Variants in DNAH7 observed in about 807,000 individuals in gnomAD.
DNAH7 encodes dynein axonemal heavy chain 7, also known as axonemal beta dynein heavy chain 7.
In DNAH7, 397 loss-of-function variants were observed where a neutral mutation model predicts 444.6. The ratio of observed to expected loss-of-function variants is 0.89; its 90% CI spans 0.82 to 0.97. The LOEUF is 0.97. Ranked by LOEUF, DNAH7 falls within the 50% of genes least tolerant of loss-of-function variation. DNAH7 has a pLI of 0.00. For missense variants in DNAH7, 4,902 were observed against 4,800.8 expected (o/e 1.02, Z -0.62); for synonymous variants, 1,636 against 1,624.4 (o/e 1.01, Z -0.17).
At chr2:195,747,119 A>C (rs1017701326) in intron 63 of DNAH7, among the ~76,000 whole-genome samples, 1 of 152,194 alleles carries the variant, frequency 6.6e-6, no homozygotes, top group Non-Finnish European at 1.5e-5. Context: ...AATAAAGAAG[A>C]AAAGAGAGAA....
In DNAH7 at chr2:195,971,244, T is replaced by C. The variant is rs577595252; in HGVS notation, c.2058+998A>G. On this transcript the variant is annotated intron_variant, in intron 16 of 64. Coordinates refer to ENST00000312428, the MANE Select transcript of DNAH7 (RefSeq NM_018897.3). ...ACTGGCTGACCTAGAACAAGTCTCTTAATCTTTGGGAAACTTACTCTTCCA... is the reference window on the plus strand; with the variant it reads ...ACTGGCTGACCTAGAACAAGTCTCTCAATCTTTGGGAAACTTACTCTTCCA... 3.3e-5 allele frequency among the ~76,000 whole-genome samples: 5 copies of C among 152,312 alleles called. 1 individual carries two copies. The South Asian group carries it at 8.3e-4, about 25-fold the overall frequency.
chr2:195,906,281 T>C (rs1321618459), intron 27 of DNAH7, among the ~76,000 whole-genome samples: 1 of 151,988 alleles, frequency 6.6e-6, no homozygotes, highest in African/African-American at 2.4e-5. Context: ...TGTGGATATT[T>C]ACTCTGTAAA....
chr2:196,061,120 T>C (rs1049780233), intron 1 of DNAH7, among the ~76,000 whole-genome samples: 4 of 152,160 alleles, frequency 2.6e-5, no homozygotes, highest in Admixed American at 1.3e-4. Flanking sequence ...TCTACTCTAA[T>C]AGCAGTTTTC....
intron 17 of DNAH7, among the ~76,000 whole-genome samples, chr2:195,962,674 G>T (rs541514663): frequency 6.6e-6 from 1 of 152,134 alleles, no homozygotes; most frequent in East Asian, 1.9e-4. Context: ...TTTTAAATGT[G>T]CAATTAAATT....
intron 12 of DNAH7, among the ~76,000 whole-genome samples, chr2:195,997,241 G>A (rs1378896583): frequency 6.6e-6 from 1 of 152,140 alleles, no homozygotes; most frequent in Admixed American, 6.5e-5. Flanking sequence ...GGCCACGCAT[G>A]GTGGCTCATG....
chr2:195,844,981 T>G, intron 47 of DNAH7, 21 bp downstream of exon 47: 3 of 1,604,250 alleles, frequency 1.9e-6, no homozygotes, highest in Non-Finnish European at 2.6e-6. Flanking sequence ...AGACCATTTG[T>G]GAGAAAAATA....
At chr2:195,803,245 G>A (rs1696559887) in intron 54 of DNAH7, among the ~76,000 whole-genome samples, 1 of 152,196 alleles carries the variant, frequency 6.6e-6, no homozygotes, top group Non-Finnish European at 1.5e-5. Context: ...TGGGTTTTAA[G>A]TGCATGGTTT....
intron 40 of DNAH7, among the ~76,000 whole-genome samples, chr2:195,871,283 G>C (rs1238913319): frequency 6.6e-6 from 1 of 152,120 alleles, no homozygotes; most frequent in South Asian, 2.1e-4. Flanking sequence ...GCACATTCTC[G>C]TGTTCTATGT....
At chr2:195,814,792 G>C (rs1214978047) in intron 51 of DNAH7, among the ~76,000 whole-genome samples, 1 of 152,004 alleles carries the variant, frequency 6.6e-6, no homozygotes, top group Non-Finnish European at 1.5e-5. Context: ...CCAGGCTGAA[G>C]TGTGGTGGCA....
chr2:196,033,358 T>C (rs998533295), intron 5 of DNAH7, among the ~76,000 whole-genome samples: 2 of 152,208 alleles, frequency 1.3e-5, no homozygotes, highest in African/African-American at 4.8e-5. Context: ...ATACATTTAC[T>C]AAATTTGCCA....
At chr2:195,750,111 T>C (rs1693708089) in intron 63 of DNAH7, among the ~76,000 whole-genome samples, 2 of 152,308 alleles carry the variant, frequency 1.3e-5, no homozygotes, top group South Asian at 4.1e-4. Context: ...CTTGGAACAC[T>C]AAATAGGCTT....
At chr2:195,927,265 G>T (rs1176088482) in intron 21 of DNAH7, among the ~76,000 whole-genome samples, 1 of 152,140 alleles carries the variant, frequency 6.6e-6, no homozygotes, top group East Asian at 1.9e-4. Context: ...CAAAAATAGT[G>T]ATGTCTGTGA....
At chr2:196,034,267 C>G (rs1469036536) in intron 5 of DNAH7, among the ~76,000 whole-genome samples, 2 of 151,926 alleles carry the variant, frequency 1.3e-5, no homozygotes, top group Non-Finnish European at 2.9e-5. Context: ...AAAGAACAAC[C>G]AGAAAATAAA....
intron 19 of DNAH7, among the ~76,000 whole-genome samples, chr2:195,951,005 C>A (rs960398359): frequency 6.6e-6 from 1 of 151,652 alleles, no homozygotes; most frequent in Admixed American, 6.6e-5. Flanking sequence ...TCTTGGTTCT[C>A]TAGTTCTTTA....
chr2:195,843,570 C>T (rs942546532), intron 47 of DNAH7, among the ~76,000 whole-genome samples: 1 of 152,138 alleles, frequency 6.6e-6, no homozygotes, highest in East Asian at 1.9e-4. Context: ...TAATTCAGGG[C>T]CCAGCTATAG....
At position 195,861,943 on chromosome 2, in the gene DNAH7, A is replaced by G. The variant is rs891363587; in HGVS notation, c.7510T>C (p.Trp2504Arg). The G allele has an allele frequency of 1.2e-6, 2 of 1,607,002 alleles. No individual in the cohort carries two copies. The highest frequency in any genetic ancestry group is 4.5e-5 in the East Asian group (2 of 44,830). Reference protein sequence around the residue: ...NCCTIDWFQSWPEDALQAVAS... With the variant: ...NCCTIDWFQSRPEDALQAVAS... Reference sequence around the variant, plus strand: ...ACTGCCTGGAGTGCATCTTCAGGCCATGACTAAATGTAAGATAAATGCTTT... The same window carrying G: ...ACTGCCTGGAGTGCATCTTCAGGCCGTGACTAAATGTAAGATAAATGCTTT... The change falls in exon 42 of 65, where the codon TGG becomes CGG. Residue 2504 changes from tryptophan to arginine, a missense_variant. Coordinates refer to ENST00000312428, the MANE Select transcript of DNAH7 (RefSeq NM_018897.3).
rs1487896263 is a variant in DNAH7, at chr2:195,737,872, T to TACTC, written c.*45_*48dup. ...TTTAAGTAGTAAAATATGCTTTCTC[T>TACTC]ACTCAGCCAGCCAACAAGAAATAGG... On this transcript the variant is annotated 3_prime_UTR_variant, in exon 65 of 65. Coordinates refer to ENST00000312428, the MANE Select transcript of DNAH7 (RefSeq NM_018897.3). 7 of 1,573,522 alleles carry TACTC rather than the reference T, an allele frequency of 4.4e-6. No homozygotes were observed. The African/African-American group carries it at 5.5e-5, about 12-fold the overall frequency.
Position 195,934,790 on chromosome 2 carries a change from C to T in DNAH7, c.3273-1G>A. ...ACATTTCTTCAAGTGAGGTTGCACCCTGTCAGGAAAAACATTTTTAAGATA... is the reference window on the plus strand; with the variant it reads ...ACATTTCTTCAAGTGAGGTTGCACCTTGTCAGGAAAAACATTTTTAAGATA... On this transcript the variant is annotated splice_acceptor_variant, in intron 20 of 64. Transcript: ENST00000312428. LOFTEE classifies it high-confidence loss of function. 6.2e-7 allele frequency: 1 copy of T among 1,613,900 alleles called. No homozygotes were observed.
intron 54 of DNAH7, among the ~76,000 whole-genome samples, chr2:195,801,680 G>T (rs906198017): frequency 6.6e-6 from 1 of 152,082 alleles, no homozygotes; most frequent in Admixed American, 6.6e-5. Context: ...TAAAACGATG[G>T]TCTACTCTGT....
Sources: allele counts gnomAD v4.1 joint callset (sites outside exome capture counted in the v4.1 genomes callset), GRCh38; gene constraint gnomAD v4.1.1; transcripts MANE v1.5; gene names NCBI Gene and HGNC (gene_info 2026-07-23, HGNC 2026-07-21).